RIOK1: variants seen among roughly 807,000 people sequenced by gnomAD.
RIOK1 encodes the protein RIO kinase 1, also known as serine/threonine-protein kinase RIO1.
Under a neutral mutation model 73.5 loss-of-function variants are expected in RIOK1, and 66 were observed. The ratio of observed to expected loss-of-function variants is 0.90; its 90% CI spans 0.74 to 1.10. The LOEUF is 1.10. Ranked by LOEUF, RIOK1 falls within the 50% of genes least tolerant of loss-of-function variation. RIOK1 has a pLI of 0.00. For missense variants in RIOK1, 658 were observed against 699.8 expected (o/e 0.94, Z 0.67); for synonymous variants, 224 against 226.8 (o/e 0.99, Z 0.11).
chr6:7,396,796 C>A, intron 4 of RIOK1, 24 bp downstream of exon 4: 1 of 1,289,844 alleles, frequency 7.8e-7, no homozygotes, highest in Non-Finnish European at 1.1e-6. Context: ...TAATAATATG[C>A]ATGGGTGATA....
chr6:7,405,095 TA>T lies in RIOK1; in HGVS notation c.1096+78del, dbSNP rs1438747296. The T allele has an allele frequency of 1.7e-5, 23 of 1,320,522 alleles. No individual in the cohort carries two copies. In the Admixed American group the frequency reaches 4.2e-4, roughly 24 times the overall value. The allele number at this position is 1,320,522 out of a possible 1,614,324, so 81.8% of individuals were successfully genotyped here. A position where few individuals can be genotyped will look rare whatever the true frequency, so the allele number is the denominator to read the frequency against. Reference sequence around the variant, plus strand: ...TTTGTACTCAGTTAAGCTGTTGGCGTAAAATTTTCTCACTAAATTGTTTGGT... The same window carrying T: ...TTTGTACTCAGTTAAGCTGTTGGCGTAAATTTTCTCACTAAATTGTTTGGT... On this transcript the variant is annotated intron_variant, in intron 11 of 16. Transcript: ENST00000379834.
chr6:7,414,933 G>GT (rs1265987165), intron 16 of RIOK1, among the ~76,000 whole-genome samples: 1 of 152,176 alleles, frequency 6.6e-6, no homozygotes, highest in Non-Finnish European at 1.5e-5. Flanking sequence ...ATCATCACGT[G>GT]GTCCAGCGTC....
intron 12 of RIOK1, among the ~76,000 whole-genome samples, chr6:7,409,795 C>CAAA (rs34196824): frequency 2.9e-5 from 3 of 103,130 alleles, no homozygotes; most frequent in African/African-American, 8.2e-5. Context: ...TGTCTAAACT[C>CAAA]AAAAAAAAAA....
At chr6:7,404,250 T>C (rs940223933) in intron 9 of RIOK1, among the ~76,000 whole-genome samples, 168 bp from the exon 10 acceptor site, 3 of 152,196 alleles carry the variant, frequency 2.0e-5, no homozygotes, top group East Asian at 1.9e-4. Flanking sequence ...ATACAGTGTG[T>C]TGGGAAAGCA....
In RIOK1 at chr6:7,417,569, G is replaced by GA. The variant is rs1762040185; in HGVS notation, c.*129dup. The GA allele has an allele frequency of 1.8e-6, 1 of 546,582 alleles. No individual in the cohort carries two copies. Among genetic ancestry groups the GA allele is most frequent in the Non-Finnish European group, 3.2e-6 (1 of 311,808 alleles). The allele number at this position is 546,582 out of a possible 1,614,324, so 33.9% of individuals were successfully genotyped here. On this transcript the variant is annotated 3_prime_UTR_variant, in exon 17 of 17. Transcript: ENST00000379834. ...CATCGTGGCACTGTCTGTGAAGACG[G>GA]ATTCAAATGTTTTCATGTAACTATG...
At position 7,402,831 on chromosome 6, in the gene RIOK1, A is replaced by G. The variant is rs745501428; in HGVS notation, c.701A>G (p.Tyr234Cys). The G allele has an allele frequency of 8.7e-6, 14 of 1,613,144 alleles. No homozygotes were observed. The highest frequency in any genetic ancestry group is 1.3e-5 in the African/African-American group (1 of 74,898). Residue 234 changes from tyrosine (Y) to cysteine (C), a missense_variant, in exon 8 of 17, where the codon TAT (tyrosine) becomes TGT (cysteine). Transcript: ENST00000379834. The stretch of plus-strand genomic sequence containing the variant: ...TCTTATTCAAGATTTCGTCATGGCT[A>G]TTGTAAAGGAAACCCTAGGAAAATG... Reference protein sequence around the residue: ...VSGEFRFRHGYCKGNPRKMVK... With the variant: ...VSGEFRFRHGCCKGNPRKMVK...
At chr6:7,410,116 A>G (rs768341265) in intron 12 of RIOK1, among the ~76,000 whole-genome samples, 4 of 152,234 alleles carry the variant, frequency 2.6e-5, no homozygotes, top group African/African-American at 9.6e-5. Context: ...TAAATTTAGT[A>G]AAAGTAGCAT....
At position 7,404,539 on chromosome 6, in the gene RIOK1, A is replaced by G; in HGVS notation, c.976A>G (p.Ser326Gly). Residue 326 changes from serine to glycine, a missense_variant, in exon 10 of 17, where the codon AGT (serine) becomes GGT (glycine). Coordinates refer to ENST00000379834, the MANE Select transcript of RIOK1 (RefSeq NM_031480.3). ...QDARLVHADLSEFNMLYHGGG... is the reference protein window; with the variant it reads ...QDARLVHADLGEFNMLYHGGG... ...TGCCAGACTTGTCCATGCAGATCTC[A>G]GTGAATTTAACATGCTGTGAGTGTA... 6.2e-7 allele frequency: 1 copy of G among 1,614,120 alleles called. No individual in the cohort carries two copies. The highest frequency in any genetic ancestry group is 8.5e-7 in the Non-Finnish European group (1 of 1,180,002).
chr6:7,399,220 G>A (rs532009500), intron 5 of RIOK1, among the ~76,000 whole-genome samples: 61 of 152,082 alleles, frequency 4.0e-4, no homozygotes, highest in Non-Finnish European at 7.4e-4. Flanking sequence ...CCCACATTCC[G>A]AAGAATGTGA....
chr6:7,398,630 C>G, intron 4 of RIOK1, 68 bp from the exon 5 acceptor site: 1 of 1,162,856 alleles, frequency 8.6e-7, no homozygotes. Flanking sequence ...AAATTATCTA[C>G]ATTTAGAAGA....
chr6:7,415,507 G>T (rs1267377817), intron 16 of RIOK1, among the ~76,000 whole-genome samples: 3 of 152,218 alleles, frequency 2.0e-5, no homozygotes, highest in Admixed American at 6.5e-5. Flanking sequence ...TGGTTTTGCT[G>T]TCTCACCCCA....
intron 8 of RIOK1, among the ~76,000 whole-genome samples, chr6:7,403,485 A>C (rs973576378): frequency 6.6e-6 from 1 of 152,220 alleles, no homozygotes; most frequent in Non-Finnish European, 1.5e-5. Context: ...ATAACTTTTT[A>C]TATGGTGTAC....
chr6:7,401,813 G>T (rs1761621011), intron 6 of RIOK1, among the ~76,000 whole-genome samples: 1 of 151,044 alleles, frequency 6.6e-6, no homozygotes, highest in African/African-American at 2.4e-5. Flanking sequence ...CGAATAGCTG[G>T]GACTACAGGC....
chr6:7,409,278 GGA>G (rs1490104717), intron 12 of RIOK1, among the ~76,000 whole-genome samples: 1 of 138,994 alleles, frequency 7.2e-6, no homozygotes, highest in African/African-American at 2.7e-5. Flanking sequence ...TGTTTGAGAT[GGA>G]GTCTGGCTCT....
At chr6:7,410,907 G>T (rs1204574035) in intron 13 of RIOK1, among the ~76,000 whole-genome samples, 2 of 152,166 alleles carry the variant, frequency 1.3e-5, no homozygotes, top group Non-Finnish European at 2.9e-5. Flanking sequence ...ACTATGAGGT[G>T]CCCTGTGTTT....
At chr6:7,393,700 C>T (rs1368178827) in intron 2 of RIOK1, among the ~76,000 whole-genome samples, 3 of 152,162 alleles carry the variant, frequency 2.0e-5, no homozygotes, top group Non-Finnish European at 4.4e-5. Context: ...CAAAACATAT[C>T]ATTGATGGTC....
chr6:7,402,528 G>T (rs1761636151), intron 6 of RIOK1, 75 bp from the exon 7 acceptor site: 1 of 1,059,238 alleles, frequency 9.4e-7, no homozygotes, highest in Non-Finnish European at 1.4e-6. Flanking sequence ...TGACTTTTGA[G>T]GTTAGAATCA....
chr6:7,398,082 C>T (rs1446001200), intron 4 of RIOK1, among the ~76,000 whole-genome samples: 1 of 152,216 alleles, frequency 6.6e-6, no homozygotes, highest in Non-Finnish European at 1.5e-5. Flanking sequence ...GCAGAGCTTG[C>T]AGTGAGCCGA....
chr6:7,404,474 A>T lies in RIOK1; in HGVS notation c.911A>T (p.Tyr304Phe), dbSNP rs1361063598. 6.2e-7 allele frequency: 1 copy of T among 1,614,162 alleles called. No homozygotes were observed. Among genetic ancestry groups the T allele is most frequent in the South Asian group, 1.1e-5 (1 of 91,082 alleles). The change falls in exon 10 of 17, where the codon TAC becomes TTC. Residue 304 changes from tyrosine to phenylalanine, a missense_variant. Tyr to Phe is a conservative substitution (Grantham distance 22). Transcript: ENST00000379834. ...TCAGAATCCAAGGCTCGGGAGTTGT[A>T]CCTGCAGGTCATTCAGTACATGAGA... is the stretch of plus-strand genomic sequence containing the variant. ...QLSESKAREL[Y>F]LQVIQYMRRM...
Sources: gnomAD v4.1 joint callset for allele counts (sites outside exome capture counted in the v4.1 genomes callset) on GRCh38, gnomAD v4.1.1 for gene constraint, MANE v1.5 for transcripts, NCBI Gene and HGNC (gene_info 2026-07-23, HGNC 2026-07-21) for gene names.